Variants in RNLS observed in about 807,000 individuals in gnomAD.
The protein encoded by RNLS is renalase, FAD dependent amine oxidase.
RNLS carries 39 observed loss-of-function variants against 39.8 expected under a neutral mutation model. That is an observed-to-expected ratio of 0.98 (90% CI 0.76 to 1.28). The LOEUF (loss-of-function observed/expected upper bound fraction) is 1.28. Ranked by LOEUF, RNLS falls within the 50% of genes most tolerant of loss-of-function variation. The pLI is 0.00. For missense variants in RNLS, 410 were observed against 413.3 expected (o/e 0.99, Z 0.07); for synonymous variants, 147 against 150.7 (o/e 0.98, Z 0.18).
intron 4 of RNLS, among the ~76,000 whole-genome samples, chr10:88,371,809 T>G (rs1850579603): frequency 6.6e-6 from 1 of 152,172 alleles, no homozygotes; most frequent in Non-Finnish European, 1.5e-5. Context: ...AATCATGACT[T>G]GAATACACCG....
the RNLS span, among the ~76,000 whole-genome samples, chr10:88,206,154 G>A: frequency 1.3e-5 from 2 of 152,168 alleles, no homozygotes; most frequent in Non-Finnish European, 2.9e-5. Flanking sequence ...GCTGAAGCCC[G>A]TCTTTCCTTA....
intron 4 of RNLS, among the ~76,000 whole-genome samples, chr10:88,554,057 A>G (rs1848729446): frequency 1.3e-5 from 2 of 152,114 alleles, no homozygotes; most frequent in South Asian, 4.1e-4. Context: ...ATATGGAAAG[A>G]TTCAAAATTA....
intron 4 of RNLS, among the ~76,000 whole-genome samples, chr10:88,566,165 C>T (rs999291297): frequency 1.3e-5 from 2 of 151,852 alleles, no homozygotes; most frequent in Admixed American, 6.6e-5. Context: ...TAATGTTTGT[C>T]AAATTATTTC....
chr10:88,483,167 T>C (rs1227981472), intron 4 of RNLS, among the ~76,000 whole-genome samples: 1 of 152,190 alleles, frequency 6.6e-6, no homozygotes, highest in African/African-American at 2.4e-5. Context: ...GAAGCTTTCA[T>C]ATATTCAAAA....
intron 4 of RNLS, among the ~76,000 whole-genome samples, chr10:88,469,842 TG>T (rs1460047007): frequency 6.6e-6 from 1 of 151,488 alleles, no homozygotes; most frequent in African/African-American, 2.4e-5. Flanking sequence ...TGTGTGTGTG[TG>T]TGTGTGTGTG....
chr10:88,187,168 A>T, the RNLS span, among the ~76,000 whole-genome samples: 401 of 123,066 alleles, frequency 3.3e-3, 21 homozygotes, highest in South Asian at 4.7e-3. Context: ...AATATATATA[A>T]TATATATATA....
chr10:88,528,106 C>T (rs147591039), intron 4 of RNLS, among the ~76,000 whole-genome samples: 10 of 151,722 alleles, frequency 6.6e-5, no homozygotes, highest in African/African-American at 2.4e-4. Context: ...GAAGGATATA[C>T]ATATATGCAT....
At chr10:88,226,736 C>T in the RNLS span, among the ~76,000 whole-genome samples, 1 of 123,544 alleles carries the variant, frequency 8.1e-6, no homozygotes. Context: ...CTTCTCCCTT[C>T]ACTTTTTTTT....
At chr10:88,359,447 T>C (rs942374454) in intron 5 of RNLS, among the ~76,000 whole-genome samples, 1 of 152,244 alleles carries the variant, frequency 6.6e-6, no homozygotes, top group Admixed American at 6.5e-5. Context: ...GGCCCCCAGA[T>C]AGTGAGAAAA....
intron 4 of RNLS, among the ~76,000 whole-genome samples, chr10:88,502,176 C>G (rs1171316949): frequency 6.6e-6 from 1 of 151,846 alleles, no homozygotes; most frequent in Non-Finnish European, 1.5e-5. Context: ...TTATTCTATC[C>G]AAATATTCTA....
rs544448714 is a variant in RNLS at position 88,284,572 on chromosome 10, C to T, written c.*782G>A. The T allele has an allele frequency of 2.4e-4, 237 of 985,260 alleles. No individual in the cohort carries two copies. Among genetic ancestry groups the T allele is most frequent in the African/African-American group, 2.0e-3 (115 of 57,350 alleles). The allele number at this position is 985,260 out of a possible 1,614,324, so 61.0% of individuals were successfully genotyped here. Reference sequence around the variant, plus strand: ...TAAACTCGACACAGTCTAAATGCCACAGCACATACTGGAGAACCCATAAAG... The same window carrying T: ...TAAACTCGACACAGTCTAAATGCCATAGCACATACTGGAGAACCCATAAAG... On this transcript the variant is annotated 3_prime_UTR_variant, in exon 7 of 7. Coordinates refer to ENST00000331772, the MANE Select transcript of RNLS (RefSeq NM_001031709.3).
intron 6 of RNLS, among the ~76,000 whole-genome samples, chr10:88,306,803 G>A (rs886931638): frequency 1.3e-4 from 20 of 151,996 alleles, no homozygotes; most frequent in African/African-American, 4.6e-4. Context: ...TGAGGAGAAG[G>A]GACCCCTCCC....
chr10:88,396,674 C>T (rs547382667), intron 4 of RNLS, among the ~76,000 whole-genome samples: 3 of 146,568 alleles, frequency 2.0e-5, no homozygotes, highest in East Asian at 4.0e-4. Flanking sequence ...TAATTAAACG[C>T]TGATTTAAGG....
the RNLS span, among the ~76,000 whole-genome samples, chr10:88,249,599 G>C: frequency 6.6e-6 from 1 of 152,092 alleles, no homozygotes; most frequent in Non-Finnish European, 1.5e-5. Context: ...AATTTTATTT[G>C]CTCACATGTC....
chr10:88,271,958 CAT>C (rs1208556420), downstream of RNLS, among the ~76,000 whole-genome samples: 1 of 152,164 alleles, frequency 6.6e-6, no homozygotes, highest in Non-Finnish European at 1.5e-5. Flanking sequence ...AATGATGCAA[CAT>C]GTGCTGGAGA....
At chr10:88,462,098 C>T (rs370089566) in intron 4 of RNLS, among the ~76,000 whole-genome samples, 36 of 152,034 alleles carry the variant, frequency 2.4e-4, no homozygotes, top group East Asian at 2.3e-3. Flanking sequence ...ATACATGCTT[C>T]GTGAATACTA....
chr10:88,562,260 T>C (rs1212443287), intron 4 of RNLS, among the ~76,000 whole-genome samples: 2 of 151,920 alleles, frequency 1.3e-5, no homozygotes, highest in Non-Finnish European at 2.9e-5. Flanking sequence ...TAGCATTTAA[T>C]AGAGAAAAAA....
intron 5 of RNLS, among the ~76,000 whole-genome samples, chr10:88,328,053 G>A (rs988152840): frequency 3.3e-5 from 5 of 151,820 alleles, no homozygotes; most frequent in Middle Eastern, 3.4e-3. Context: ...GACTACAGGC[G>A]TGCACCACCA....
intron 4 of RNLS, among the ~76,000 whole-genome samples, chr10:88,397,609 A>T (rs1350288750): frequency 6.6e-6 from 1 of 151,988 alleles, no homozygotes; most frequent in African/African-American, 2.4e-5. Context: ...AAGAAAAAAA[A>T]TAATAACTAT....
Sources: allele counts gnomAD v4.1 joint callset (sites outside exome capture counted in the v4.1 genomes callset), GRCh38; gene constraint gnomAD v4.1.1; transcripts MANE v1.5; gene names NCBI Gene and HGNC (gene_info 2026-07-23, HGNC 2026-07-21).